Variants in GOLM2 observed in about 807,000 individuals in gnomAD.
The protein encoded by GOLM2 is golgi membrane protein 2, also known as protein GOLM2.
In GOLM2, 26 loss-of-function variants were observed where a neutral mutation model predicts 55.9. The observed-to-expected ratio is 0.47, with a 90% CI of 0.34 to 0.65. GOLM2 has a LOEUF of 0.65. Ranked by LOEUF, GOLM2 falls within the 30% of genes least tolerant of loss-of-function variation. The pLI, the probability that GOLM2 is intolerant of heterozygous loss-of-function variation, is 0.01. For missense variants in GOLM2, 486 were observed against 531.8 expected (o/e 0.91, Z 0.85); for synonymous variants, 165 against 194.6 (o/e 0.85, Z 1.27).
At chr15:44,345,091 G>A (rs1202752923) in intron 6 of GOLM2, among the ~76,000 whole-genome samples, 7 of 151,516 alleles carry the variant, frequency 4.6e-5, no homozygotes, top group Non-Finnish European at 7.4e-5. Flanking sequence ...AATTACAGGC[G>A]TGAGCCACCG....
At chr15:44,319,345 T>A (rs986915405) in intron 1 of GOLM2, among the ~76,000 whole-genome samples, 1 of 151,734 alleles carries the variant, frequency 6.6e-6, no homozygotes, top group Non-Finnish European at 1.5e-5. Context: ...CCCAAGTAGC[T>A]GGGACTATAG....
At chr15:44,380,182 A>C (rs1234582779) in intron 7 of GOLM2, among the ~76,000 whole-genome samples, 5 of 152,282 alleles carry the variant, frequency 3.3e-5, no homozygotes. Context: ...CTAAACACTC[A>C]TTCCATTTTA....
intron 1 of GOLM2, among the ~76,000 whole-genome samples, chr15:44,309,892 T>G (rs550231058): frequency 5.4e-5 from 8 of 148,630 alleles, no homozygotes; most frequent in East Asian, 2.0e-4. Context: ...CAGCTTTTGG[T>G]TTTTTTTTTG....
intron 4 of GOLM2, 147 bp downstream of exon 4, chr15:44,332,225 T>C: frequency 1.8e-6 from 1 of 542,918 alleles, no homozygotes. Context: ...ATGGCTTTAT[T>C]TCTGAGTAAA....
intron 5 of GOLM2, 55 bp downstream of exon 5, chr15:44,337,962 C>T (rs2079068735): frequency 6.8e-7 from 1 of 1,475,260 alleles, no homozygotes; most frequent in African/African-American, 1.4e-5. Flanking sequence ...ACTTTTTCTT[C>T]CCATTTTGAA....
chr15:44,379,641 A>C (rs1490415844), intron 6 of GOLM2, 49 bp from the exon 7 acceptor site: 1 of 502,224 alleles, frequency 2.0e-6, no homozygotes, highest in East Asian at 4.0e-5. Flanking sequence ...TTTTTTTTAG[A>C]AATCATAGTA....
intron 6 of GOLM2, 71 bp from the exon 7 acceptor site, chr15:44,379,619 T>G (rs2079387934): frequency 8.7e-6 from 2 of 229,316 alleles, no homozygotes; most frequent in Non-Finnish European, 1.5e-5. Flanking sequence ...TTCACGGTGG[T>G]TTTTTTTTTT....
chr15:44,361,584 C>A (rs1159176632), intron 6 of GOLM2, among the ~76,000 whole-genome samples: 1 of 152,120 alleles, frequency 6.6e-6, no homozygotes, highest in Non-Finnish European at 1.5e-5. Flanking sequence ...AGTCCAGGAC[C>A]AGATGGATTC....
intron 6 of GOLM2, among the ~76,000 whole-genome samples, chr15:44,378,848 T>C (rs8025955): frequency 0.1 from 15,421 of 148,564 alleles, 1,672 homozygotes; most frequent in African/African-American, 0.27. Flanking sequence ...CAGATTCAAG[T>C]GATTCTCCTA....
chr15:44,344,516 T>C (rs2079110644), intron 6 of GOLM2, among the ~76,000 whole-genome samples: 1 of 151,924 alleles, frequency 6.6e-6, no homozygotes, highest in Non-Finnish European at 1.5e-5. Flanking sequence ...TATATGCTGA[T>C]TTAGATAACT....
chr15:44,314,945 A>G (rs965073733), intron 1 of GOLM2, among the ~76,000 whole-genome samples: 1 of 152,224 alleles, frequency 6.6e-6, no homozygotes, highest in African/African-American at 2.4e-5. Flanking sequence ...TGGCACAAAA[A>G]TAATCATTTA....
In GOLM2 at chr15:44,297,867, C is replaced by CTT. The variant is rs370282797; in HGVS notation, c.327+8528_327+8529dup. Among the ~76,000 whole-genome samples the CTT allele has an allele frequency of 4.8e-4, 52 of 109,266 alleles. 1 individual carries two copies. In the South Asian group the frequency reaches 6.3e-3, roughly 13 times the overall value. The allele number at this position is 109,266 out of a possible 152,430, so 71.7% of individuals were successfully genotyped here. A position where few individuals can be genotyped will look rare whatever the true frequency, so the allele number is the denominator to read the frequency against. ...ACAGGTGTGAGCCACCGCACCTGGC[C>CTT]TTTTTTTTTTTTTTTTTTGAGATGG... On this transcript the variant is annotated intron_variant, in intron 1 of 9. Coordinates refer to ENST00000299957, the MANE Select transcript of GOLM2 (RefSeq NM_138423.4).
At chr15:44,308,657 A>G (rs990391657) in intron 1 of GOLM2, 1 of 152,078 alleles carries the variant, frequency 6.6e-6, no homozygotes, top group East Asian at 1.9e-4. Flanking sequence ...GGCTGGGTAC[A>G]GTGGCATGAC....
intron 1 of GOLM2, among the ~76,000 whole-genome samples, chr15:44,297,908 C>A (rs1380062275): frequency 2.1e-5 from 3 of 142,126 alleles, no homozygotes; most frequent in Non-Finnish European, 4.6e-5. Context: ...TGCTCTGTTG[C>A]CCAGGCTGCA....
At chr15:44,303,732 A>AT (rs541563417) in intron 1 of GOLM2, among the ~76,000 whole-genome samples, 5,203 of 130,786 alleles carry the variant, frequency 0.04, 169 homozygotes, top group African/African-American at 0.058. Context: ...CACCTGGCTA[A>AT]TTTTTTTTTT....
chr15:44,408,919 G>A (rs1567046101), intron 9 of GOLM2, among the ~76,000 whole-genome samples: 1 of 151,652 alleles, frequency 6.6e-6, no homozygotes, highest in Admixed American at 6.6e-5. Context: ...AGCCGAGATC[G>A]CCTACTGCAC....
chr15:44,332,798 A>G (rs2079030935), intron 4 of GOLM2, among the ~76,000 whole-genome samples: 2 of 152,114 alleles, frequency 1.3e-5, no homozygotes, highest in South Asian at 4.1e-4. Context: ...ACTAGCCACT[A>G]CAACCAATTT....
intron 1 of GOLM2, among the ~76,000 whole-genome samples, chr15:44,309,889 TG>T (rs2078861738): frequency 6.6e-6 from 1 of 152,020 alleles, no homozygotes; most frequent in African/African-American, 2.4e-5. Context: ...CACCAGCTTT[TG>T]GTTTTTTTTT....
intron 6 of GOLM2, among the ~76,000 whole-genome samples, chr15:44,366,153 T>C (rs1203364457): frequency 1.3e-5 from 2 of 151,798 alleles, no homozygotes; most frequent in African/African-American, 2.4e-5. Flanking sequence ...AAAAATTAGC[T>C]GGGCGTGGTG....
Sources: allele counts gnomAD v4.1 joint callset (sites outside exome capture counted in the v4.1 genomes callset), GRCh38; gene constraint gnomAD v4.1.1; transcripts MANE v1.5; gene names NCBI Gene and HGNC (gene_info 2026-07-23, HGNC 2026-07-21).